Variants in GRIK2 observed in about 807,000 individuals in gnomAD.
The protein encoded by GRIK2 is glutamate receptor ionotropic, kainate 2.
Under a neutral mutation model 100.3 loss-of-function variants are expected in GRIK2, and 32 were observed. The observed-to-expected ratio is 0.32, with a 90% CI of 0.24 to 0.43. The LOEUF (loss-of-function observed/expected upper bound fraction) is 0.43, where lower values mean the gene tolerates loss of function less well. GRIK2 is among the 20% of genes least tolerant of loss of function. The pLI is 1.00. For missense variants in GRIK2, 843 were observed against 1,114.9 expected (o/e 0.76, Z 3.47); for synonymous variants, 417 against 389.4 (o/e 1.07, Z -0.83).
intron 4 of GRIK2, among the ~76,000 whole-genome samples, chr6:101,666,787 A>C (rs1770063877): frequency 6.6e-6 from 1 of 152,210 alleles, no homozygotes; most frequent in African/African-American, 2.4e-5. Context: ...TTTTAATGAA[A>C]ACATTTTGAT....
In GRIK2 at chr6:101,889,748, C is replaced by G. The variant is rs757765610; in HGVS notation, c.1633C>G (p.Pro545Ala). 5 of 1,610,646 alleles carry G rather than the reference C, an allele frequency of 3.1e-6. No individual in the cohort carries two copies. The East Asian group carries it at 1.1e-4, about 36-fold the overall frequency. Residue 545 changes from proline to alanine, a missense_variant, in exon 12 of 17, where the codon CCC becomes GCC. Pro to Ala is a conservative substitution (Grantham distance 27). This residue lies in a region of GRIK2 where 237 missense variants were observed against 388.0 expected (regional missense o/e 0.61). Coordinates refer to ENST00000369134, the MANE Select transcript of GRIK2 (RefSeq NM_021956.5). ...TLGISILYRK[P>A]NGTNPGVFSF... ...TGGAATAAGTATTTTGTACCGCAAG[C>G]CCAATGGTACAAACCCAGGCGTCTT...
At chr6:101,791,513 C>T (rs181946229) in intron 7 of GRIK2, among the ~76,000 whole-genome samples, 7,991 of 152,062 alleles carry the variant, frequency 0.053, 499 homozygotes, top group African/African-American at 0.15. Flanking sequence ...TGTAGTTGTG[C>T]GGTTTTGAGT....
chr6:101,884,127 A>G (rs932730089), intron 11 of GRIK2, among the ~76,000 whole-genome samples: 7 of 152,124 alleles, frequency 4.6e-5, no homozygotes, highest in African/African-American at 1.7e-4. Flanking sequence ...TTTCAAGTGT[A>G]CACAGAGACA....
At chr6:102,065,847 G>A in intron 16 of GRIK2, 1 of 1,495,536 alleles carries the variant, frequency 6.7e-7, no homozygotes, top group Non-Finnish European at 9.0e-7. Flanking sequence ...CTATTTTGGA[G>A]TCAGTTTCCA....
intron 3 of GRIK2, 32 bp downstream of exon 3, chr6:101,622,148 C>T (rs776825431): frequency 8.1e-6 from 11 of 1,349,954 alleles, no homozygotes; most frequent in South Asian, 5.2e-5. Flanking sequence ...TCTTTGTTTC[C>T]TGGAATTCAA....
chr6:101,866,447 T>C (rs1184605128), intron 11 of GRIK2, among the ~76,000 whole-genome samples: 1 of 152,204 alleles, frequency 6.6e-6, no homozygotes. Context: ...GTGAAATATA[T>C]GAACAAGGAA....
intron 2 of GRIK2, among the ~76,000 whole-genome samples, chr6:101,483,158 A>T (rs915913217): frequency 6.6e-6 from 1 of 152,120 alleles, no homozygotes; most frequent in Admixed American, 6.5e-5. Flanking sequence ...CGCAATTTCT[A>T]AATTTTATTT....
At chr6:101,643,244 CT>C (rs1325045077) in intron 4 of GRIK2, among the ~76,000 whole-genome samples, 1 of 151,396 alleles carries the variant, frequency 6.6e-6, no homozygotes, top group African/African-American at 2.4e-5. Context: ...TTTATTTTTA[CT>C]TTTTTTAAAC....
chr6:102,002,053 T>C (rs1434992068), intron 14 of GRIK2, among the ~76,000 whole-genome samples: 1 of 151,652 alleles, frequency 6.6e-6, no homozygotes, highest in Non-Finnish European at 1.5e-5. Context: ...ATGCTATTAA[T>C]GTCTATCTCC....
At chr6:102,037,669 A>G (rs1426806645) in intron 15 of GRIK2, among the ~76,000 whole-genome samples, 1 of 151,382 alleles carries the variant, frequency 6.6e-6, no homozygotes, top group Non-Finnish European at 1.5e-5. Flanking sequence ...TTTCACAATT[A>G]TATTGCTGAG....
intron 11 of GRIK2, among the ~76,000 whole-genome samples, chr6:101,874,983 T>G (rs1785718839): frequency 6.6e-6 from 1 of 152,264 alleles, no homozygotes; most frequent in East Asian, 1.9e-4. Context: ...CTTAACAGCT[T>G]AAGGAAATTT....
intron 7 of GRIK2, among the ~76,000 whole-genome samples, chr6:101,745,366 G>T (rs890808835): frequency 2.0e-5 from 3 of 152,016 alleles, no homozygotes; most frequent in African/African-American, 7.2e-5. Flanking sequence ...CTGGACTTTT[G>T]ATCAGACCCT....
chr6:101,785,905 T>C lies in GRIK2; in HGVS notation c.952-13743T>C, dbSNP rs116998189. ...AATTGTGTTGAATCTGTAGATTGTT[T>C]TGGGTAGTATGGCCATTTTTACAAC... On this transcript the variant is annotated intron_variant, in intron 7 of 16. Coordinates refer to ENST00000369134, the MANE Select transcript of GRIK2 (RefSeq NM_021956.5). Among the ~76,000 whole-genome samples, 1,224 of 152,222 alleles carry C rather than the reference T, an allele frequency of 8.0e-3. 10 individuals carry two copies. The highest frequency in any genetic ancestry group is 0.013 in the Non-Finnish European group (887 of 67,974).
intron 12 of GRIK2, among the ~76,000 whole-genome samples, chr6:101,900,464 C>G: frequency 6.6e-6 from 1 of 152,042 alleles, no homozygotes; most frequent in Non-Finnish European, 1.5e-5. Flanking sequence ...GCAACAACAA[C>G]AACTACAAAA....
At chr6:101,746,557 C>T (rs1776432146) in intron 7 of GRIK2, among the ~76,000 whole-genome samples, 1 of 152,046 alleles carries the variant, frequency 6.6e-6, no homozygotes, top group Non-Finnish European at 1.5e-5. Flanking sequence ...GAACTCCTGA[C>T]CTCAACTAAT....
Position 101,744,545 on chromosome 6 carries a change from T to TATATATATATACACAC in GRIK2, c.952-55092_952-55091insCACACATATATATATA, listed in dbSNP as rs1776286549. 5.3e-5 allele frequency: 7 copies of TATATATATATACACAC among 131,058 alleles called. No homozygotes were observed. The East Asian group carries it at 6.5e-4, about 12-fold the overall frequency. The allele number at this position is 131,058 out of a possible 1,614,324, so 8.1% of individuals were successfully genotyped here. On this transcript the variant is annotated intron_variant, in intron 7 of 16. Transcript: ENST00000369134. ...GCGCATATATATATATATATATATA[T>TATATATATATACACAC]ATATATATATATATCACAATTTCTT...
chr6:101,627,933 G>T (rs563058322), intron 4 of GRIK2, among the ~76,000 whole-genome samples: 1 of 152,092 alleles, frequency 6.6e-6, no homozygotes, highest in Non-Finnish European at 1.5e-5. Context: ...TTCATTGAAA[G>T]TTACATTGGT....
chr6:101,496,736 C>T (rs747251872), intron 2 of GRIK2, among the ~76,000 whole-genome samples: 2 of 152,122 alleles, frequency 1.3e-5, no homozygotes, highest in Non-Finnish European at 2.9e-5. Context: ...TATTTACTAA[C>T]TAGAGTTCGC....
At position 102,055,460 on chromosome 6, in the gene GRIK2, C is replaced by T; in HGVS notation, c.2442C>T (p.Ala814=). 1 of 1,613,760 alleles carries T rather than the reference C, an allele frequency of 6.2e-7. No individual in the cohort carries two copies. Among genetic ancestry groups the T allele is most frequent in the Non-Finnish European group, 8.5e-7 (1 of 1,179,832 alleles). Residue 814 remains alanine, a synonymous_variant, in exon 16 of 17, where the codon GCC becomes GCT. Coordinates refer to ENST00000369134, the MANE Select transcript of GRIK2 (RefSeq NM_021956.5). ...CPEEESKEAS[A]LGVQNIGGIF... ...AAGAGGAGAGCAAAGAGGCCAGTGC[C>T]CTGGGGGTTCAGAATATTGGTGGCA...
Sources: allele counts gnomAD v4.1 joint callset (sites outside exome capture counted in the v4.1 genomes callset), GRCh38; gene constraint gnomAD v4.1.1; regional missense constraint gnomAD v4.1.1; transcripts MANE v1.5; gene names NCBI Gene and HGNC (gene_info 2026-07-23, HGNC 2026-07-21).